Variants in ATF7 observed in about 807,000 individuals in gnomAD.
The protein encoded by ATF7 is activating transcription factor 7, also known as cyclic AMP-dependent transcription factor ATF-7.
A neutral mutation model predicts 50.4 loss-of-function variants in ATF7; 10 were observed. The ratio of observed to expected loss-of-function variants is 0.20; its 90% CI spans 0.12 to 0.34. ATF7 has a LOEUF of 0.34. ATF7 is among the 10% of genes least tolerant of loss of function. The pLI, the probability that ATF7 is intolerant of heterozygous loss-of-function variation, is 1.00. For synonymous variants in ATF7, 201 were observed against 226.4 expected (o/e 0.89, Z 1.01); for missense variants, 465 against 613.9 (o/e 0.76, Z 2.56).
intron 4 of ATF7, among the ~76,000 whole-genome samples, chr12:53,539,795 G>A (rs927096247): frequency 6.6e-6 from 1 of 152,182 alleles, no homozygotes; most frequent in Non-Finnish European, 1.5e-5. Flanking sequence ...AAGACCAGGT[G>A]TGGTGGCTCA....
chr12:53,524,900 G>T lies in ATF7; in HGVS notation c.928-139C>A. Reference sequence around the variant, plus strand: ...TAACCACAGCAAGTCTCATTACTATGTCCCCAAGCTTCCCTTTTGTAGGAG... The same window carrying T: ...TAACCACAGCAAGTCTCATTACTATTTCCCCAAGCTTCCCTTTTGTAGGAG... On this transcript the variant is annotated intron_variant, in intron 9 of 11. Coordinates refer to ENST00000420353, the MANE Select transcript of ATF7 (RefSeq NM_006856.3). This position sits in a 1 kb window ranked among gnomAD's most constrained non-coding sequence, Gnocchi z 4.6. The T allele has an allele frequency of 1.3e-6, 1 of 798,876 alleles. No homozygotes were observed. Among genetic ancestry groups the T allele is most frequent in the Non-Finnish European group, 1.9e-6 (1 of 532,268 alleles). The allele number at this position is 798,876 out of a possible 1,614,324, so 49.5% of individuals were successfully genotyped here.
intron 2 of ATF7, among the ~76,000 whole-genome samples, chr12:53,558,845 A>T (rs1276576850): frequency 6.6e-6 from 1 of 152,246 alleles, no homozygotes; most frequent in Admixed American, 6.5e-5. Context: ...TACATTTCCT[A>T]TTAACAATTA....
At chr12:53,625,906 A>C (rs1944585422) in intron 1 of ATF7, 1 of 152,102 alleles carries the variant, frequency 6.6e-6, no homozygotes, top group African/African-American at 2.4e-5. Context: ...TCAGGATTCA[A>C]TTCCCCTCTC....
Position 53,609,157 on chromosome 12 carries a change from C to CTTT in ATF7, c.-21-8139_-21-8137dup, listed in dbSNP as rs535786548. ...CTGTTTCTTTTCTTTCTCTTTTTTCCTTTTTTTTTTTTTTGAGACAGGGTT... is the reference window on the plus strand; with the variant it reads ...CTGTTTCTTTTCTTTCTCTTTTTTCCTTTTTTTTTTTTTTTTTGAGACAGGGTT... On this transcript the variant is annotated intron_variant, in intron 1 of 11. Coordinates refer to ENST00000420353, the MANE Select transcript of ATF7 (RefSeq NM_006856.3). Among the ~76,000 whole-genome samples, 312 of 141,360 alleles carry CTTT rather than the reference C, an allele frequency of 2.2e-3. 8 individuals are homozygous for CTTT. In the South Asian group the frequency reaches 0.029, roughly 13 times the overall value. The allele number at this position is 141,360 out of a possible 152,430, so 92.7% of individuals were successfully genotyped here. A position where few individuals can be genotyped will look rare whatever the true frequency, so the allele number is the denominator to read the frequency against.
At chr12:53,526,065 C>T (rs1049461550) in intron 9 of ATF7, among the ~76,000 whole-genome samples, 6 of 152,018 alleles carry the variant, frequency 3.9e-5, no homozygotes, top group Non-Finnish European at 5.9e-5. Flanking sequence ...ATAAAGTTAG[C>T]CAGGCATGGT....
At chr12:53,606,914 A>G (rs1943635208) in intron 1 of ATF7, among the ~76,000 whole-genome samples, 1 of 152,092 alleles carries the variant, frequency 6.6e-6, no homozygotes, top group African/African-American at 2.4e-5. Flanking sequence ...ATGGCTGCAT[A>G]GTATTCCATG....
rs149888264 is a variant in ATF7, at chr12:53,537,486, G to C, written c.331C>G (p.Pro111Ala). 1 of 1,613,700 alleles carries C rather than the reference G, an allele frequency of 6.2e-7. No individual in the cohort carries two copies. The highest frequency in any genetic ancestry group is 1.7e-5 in the Admixed American group (1 of 60,000). ...TPDIKIKEEE[P>A]VEVDSSPPDS... The stretch of plus-strand genomic sequence containing the variant: ...GGTGGGGATGAGTCTACCTCCACTG[G>C]CTCTTCTTCTTTGATTTTGATGTCT... The change falls in exon 5 of 12, where the codon CCA (proline) becomes GCA (alanine). Residue 111 changes from proline (P) to alanine (A), a missense_variant. Pro to Ala is a conservative substitution (Grantham distance 27). Coordinates refer to ENST00000420353, the MANE Select transcript of ATF7 (RefSeq NM_006856.3).
In ATF7 at chr12:53,622,652, C is replaced by CAA. The variant is rs11348452; in HGVS notation, c.-22+3625_-22+3626dup. Among the ~76,000 whole-genome samples, 731 of 97,204 alleles carry CAA rather than the reference C, an allele frequency of 7.5e-3. 5 individuals carry two copies. Among genetic ancestry groups the CAA allele is most frequent in the African/African-American group, 0.025 (689 of 27,774 alleles). 63.8% of individuals were successfully genotyped at this position (97,204 alleles called of 152,430 possible). The stretch of plus-strand genomic sequence containing the variant: ...AGGGCAAAAGTGCGAAATTGCGTCT[C>CAA]AAAAAAAAAAAAAAAAATAGCTTAA... On this transcript the variant is annotated intron_variant, in intron 1 of 11. Coordinates refer to ENST00000420353, the MANE Select transcript of ATF7 (RefSeq NM_006856.3).
At chr12:53,510,361 A>G (rs1182829648), downstream of ATF7, among the ~76,000 whole-genome samples, 1 of 152,162 alleles carries the variant, frequency 6.6e-6, no homozygotes, top group East Asian at 1.9e-4. Flanking sequence ...CTTAAAAGGG[A>G]GTATCAAGGC....
chr12:53,513,850 G>A lies in ATF7; in HGVS notation c.*3287C>T, dbSNP rs1337583748. 6.6e-6 allele frequency: 1 copy of A among 152,214 alleles called. No individual in the cohort carries two copies. The highest frequency in any genetic ancestry group is 2.4e-5 in the African/African-American group (1 of 41,412). The allele number at this position is 152,214 out of a possible 1,614,324, so 9.4% of individuals were successfully genotyped here. On this transcript the variant is annotated 3_prime_UTR_variant, in exon 12 of 12. Transcript: ENST00000420353. ...TTGGGGTTAAGCACTCCATCTACCA[G>A]GATGGGTGGTGCTAGAGGGCAGTGA...
intron 4 of ATF7, chr12:53,543,120 G>C: frequency 3.5e-6 from 5 of 1,416,276 alleles, no homozygotes; most frequent in Non-Finnish European, 4.6e-6. Context: ...AATTTTCGGT[G>C]ACGACAGACT....
chr12:53,597,206 C>T (rs1456478948), intron 2 of ATF7, among the ~76,000 whole-genome samples: 1 of 151,978 alleles, frequency 6.6e-6, no homozygotes, highest in Non-Finnish European at 1.5e-5. Context: ...TAAGCACATG[C>T]AGCATATTTA....
chr12:53,619,845 A>G (rs1303276955), intron 1 of ATF7, among the ~76,000 whole-genome samples: 1 of 151,918 alleles, frequency 6.6e-6, no homozygotes, highest in African/African-American at 2.4e-5. Flanking sequence ...ACAGAATTTC[A>G]TCTAATGTCA....
intron 2 of ATF7, among the ~76,000 whole-genome samples, chr12:53,572,871 C>T (rs551821538): frequency 1.4e-4 from 21 of 151,694 alleles, no homozygotes; most frequent in South Asian, 6.3e-4. Context: ...CTGCAACCTC[C>T]GCCTCCTGGG....
At chr12:53,551,964 A>C (rs987398678) in intron 3 of ATF7, among the ~76,000 whole-genome samples, 5 of 152,240 alleles carry the variant, frequency 3.3e-5, no homozygotes, top group African/African-American at 1.2e-4. Context: ...CAAGCAAGAC[A>C]GTATCTAAAA....
intron 1 of ATF7, among the ~76,000 whole-genome samples, chr12:53,604,432 ATTAT>A (rs1013936864): frequency 2.6e-5 from 4 of 152,204 alleles, no homozygotes; most frequent in African/African-American, 9.6e-5. Flanking sequence ...AAGAAAACAG[ATTAT>A]TTATGTATAT....
chr12:53,574,422 T>C (rs1445455121), intron 2 of ATF7, among the ~76,000 whole-genome samples: 2 of 152,188 alleles, frequency 1.3e-5, no homozygotes, highest in African/African-American at 2.4e-5. Flanking sequence ...ACAGGCTTTC[T>C]TTCTCCATGG....
downstream of ATF7, among the ~76,000 whole-genome samples, chr12:53,509,842 C>T (rs1443191071): frequency 1.3e-5 from 2 of 151,990 alleles, no homozygotes; most frequent in East Asian, 1.9e-4. Context: ...GGAAGCACCC[C>T]ACTCTTTAAG....
rs75877903 is a variant in ATF7 at position 53,513,718 on chromosome 12, C to T, written c.*3419G>A. Reference sequence around the variant, plus strand: ...CTGGCGGGGATAGCTGTATCAGGGGCTAGCACCTTTAAGGAGCCTCTCAGT... The same window carrying T: ...CTGGCGGGGATAGCTGTATCAGGGGTTAGCACCTTTAAGGAGCCTCTCAGT... On this transcript the variant is annotated 3_prime_UTR_variant, in exon 12 of 12. Coordinates refer to ENST00000420353, the MANE Select transcript of ATF7 (RefSeq NM_006856.3). The T allele has an allele frequency of 1.3e-5, 2 of 152,180 alleles. No individual in the cohort carries two copies. Among genetic ancestry groups the T allele is most frequent in the East Asian group, 1.9e-4 (1 of 5,182 alleles). 9.4% of individuals were successfully genotyped at this position (152,180 alleles called of 1,614,324 possible).
Sources: allele counts gnomAD v4.1 joint callset (sites outside exome capture counted in the v4.1 genomes callset), GRCh38; gene constraint gnomAD v4.1.1; non-coding constraint Gnocchi (gnomAD v3.1); transcripts MANE v1.5; gene names NCBI Gene and HGNC (gene_info 2026-07-23, HGNC 2026-07-21).